RIMS1: variants seen among roughly 807,000 people sequenced by gnomAD.
RIMS1 encodes regulating synaptic membrane exocytosis 1.
A neutral mutation model predicts 214.1 loss-of-function variants in RIMS1; 83 were observed. The observed-to-expected ratio is 0.39, with a 90% CI of 0.32 to 0.47. The LOEUF is 0.47. Ranked by LOEUF, RIMS1 falls within the 20% of genes least tolerant of loss-of-function variation. RIMS1 has a pLI of 0.99. For missense variants in RIMS1, 2,050 were observed against 2,161.8 expected, an observed-to-expected ratio of 0.95 and a Z score of 1.03; for synonymous variants, 793 against 786.8, an observed-to-expected ratio of 1.01 and a Z score of -0.13.
intron 9 of RIMS1, among the ~76,000 whole-genome samples, chr6:72,240,550 G>A (rs1397161565): frequency 6.8e-6 from 1 of 148,094 alleles, no homozygotes; most frequent in Non-Finnish European, 1.5e-5. Flanking sequence ...GGATCATGAT[G>A]TCAACTTTGT....
chr6:72,111,121 A>G (rs949829895), intron 4 of RIMS1, among the ~76,000 whole-genome samples: 4 of 152,232 alleles, frequency 2.6e-5, no homozygotes, highest in Non-Finnish European at 5.9e-5. Flanking sequence ...GTATAAAGAC[A>G]TGGATAATTG....
intron 1 of RIMS1, among the ~76,000 whole-genome samples, chr6:71,967,611 GAAAGAAC>G (rs1359630759): frequency 1.3e-5 from 2 of 152,112 alleles, no homozygotes; most frequent in African/African-American, 2.4e-5. Flanking sequence ...CCACACCGGG[GAAAGAAC>G]ACAAGGCTTT....
intron 4 of RIMS1, among the ~76,000 whole-genome samples, chr6:72,110,198 T>C (rs542855578): frequency 6.6e-6 from 1 of 152,290 alleles, no homozygotes; most frequent in South Asian, 2.1e-4. Flanking sequence ...CTTTTTTGGT[T>C]CCATATGAAC....
rs149172560 is a variant in RIMS1 at position 72,240,459 on chromosome 6, G to GTA, written c.1958-1845_1958-1844dup. 3.1e-3 allele frequency among the ~76,000 whole-genome samples: 462 copies of GTA among 151,048 alleles called. 1 individual carries two copies. The highest frequency in any genetic ancestry group is 5.2e-3 in the Non-Finnish European group (353 of 67,716). Reference sequence around the variant, plus strand: ...TATTGTTTCATAAATGTTTTTTAGTGTATATATATATGTATGTACTCATAT... The same window carrying GTA: ...TATTGTTTCATAAATGTTTTTTAGTGTATATATATATATGTATGTACTCATAT... On this transcript the variant is annotated intron_variant, in intron 9 of 33. Transcript: ENST00000521978.
chr6:72,097,109 C>A lies in RIMS1; in HGVS notation c.406C>A (p.Arg136Ser), dbSNP rs1044390019. Residue 136 changes from arginine (R) to serine (S), a missense_variant, in exon 3 of 34, where the codon CGC becomes AGC. Coordinates refer to ENST00000521978, the MANE Select transcript of RIMS1 (RefSeq NM_014989.7). ...DGCGHLCSYC[R>S]TKFCARCGGR... ...GTGCGGTCATCTCTGCTCCTATTGT[C>A]GCACTAAGTTCTGTGCGCGCTGCGG... The A allele has an allele frequency of 6.2e-6, 10 of 1,613,880 alleles. No individual in the cohort carries two copies. Among genetic ancestry groups the A allele is most frequent in the Non-Finnish European group, 8.5e-6 (10 of 1,179,888 alleles).
At chr6:72,133,006 A>C (rs2040692412) in intron 4 of RIMS1, among the ~76,000 whole-genome samples, 2 of 152,124 alleles carry the variant, frequency 1.3e-5, no homozygotes, top group African/African-American at 2.4e-5. Context: ...GACAAATGAG[A>C]AAATTGAGTC....
intron 32 of RIMS1, 38 bp downstream of exon 32, chr6:72,398,388 T>C (rs2098803090): frequency 8.4e-7 from 1 of 1,189,278 alleles, no homozygotes; most frequent in Admixed American, 2.2e-5. Context: ...GAAGGGACTA[T>C]TTAATAGGCA....
chr6:71,990,985 T>C (rs915456050), intron 2 of RIMS1, among the ~76,000 whole-genome samples: 3 of 152,208 alleles, frequency 2.0e-5, no homozygotes, highest in Non-Finnish European at 2.9e-5. Context: ...TAAGAAGGCA[T>C]ATCTAACAAT....
intron 2 of RIMS1, among the ~76,000 whole-genome samples, chr6:71,972,224 A>G (rs1277649643): frequency 6.6e-6 from 1 of 152,152 alleles, no homozygotes; most frequent in African/African-American, 2.4e-5. Context: ...GAAATAAGGG[A>G]TGAAAAGTGT....
chr6:72,043,763 A>G (rs1253149302), intron 2 of RIMS1, among the ~76,000 whole-genome samples: 4 of 151,682 alleles, frequency 2.6e-5, no homozygotes, highest in Non-Finnish European at 4.4e-5. Context: ...CTCATAGCTT[A>G]AATAAAAAGG....
intron 29 of RIMS1, among the ~76,000 whole-genome samples, chr6:72,343,360 T>G (rs2097156577): frequency 6.9e-6 from 1 of 144,898 alleles, no homozygotes; most frequent in Non-Finnish European, 1.6e-5. Context: ...TTGACTCTTT[T>G]TAGCATGCAT....
chr6:72,394,267 CT>C lies in RIMS1; in HGVS notation c.4618+1459del, dbSNP rs528339601. On this transcript the variant is annotated intron_variant, in intron 31 of 33. Transcript: ENST00000521978. ...AAACTAAGATTTGAACTAGTGAGGT[CT>C]TCATAAAAATGTAAGCAAATGCTTT... Among the ~76,000 whole-genome samples, 41 of 152,068 alleles carry C rather than the reference CT, an allele frequency of 2.7e-4. No individual in the cohort carries two copies. In the South Asian group the frequency reaches 8.3e-3, roughly 31 times the overall value.
At position 72,146,512 on chromosome 6, in the gene RIMS1, A is replaced by G. The variant is rs1266822148; in HGVS notation, c.472-33063A>G. ...ATAAATCTTTTATAAACCTTTACAAATTTTTGTTAAAGAGAAGGTTAGTGC... is the reference window on the plus strand; with the variant it reads ...ATAAATCTTTTATAAACCTTTACAAGTTTTTGTTAAAGAGAAGGTTAGTGC... On this transcript the variant is annotated intron_variant, in intron 4 of 33. Coordinates refer to ENST00000521978, the MANE Select transcript of RIMS1 (RefSeq NM_014989.7). 2.1e-4 allele frequency among the ~76,000 whole-genome samples: 32 copies of G among 152,188 alleles called. 1 individual carries two copies. Among genetic ancestry groups the G allele is most frequent in the Admixed American group, 2.0e-3 (31 of 15,286 alleles).
chr6:72,101,321 A>G (rs1562313196), intron 4 of RIMS1, among the ~76,000 whole-genome samples: 1 of 151,938 alleles, frequency 6.6e-6, no homozygotes, highest in East Asian at 1.9e-4. Context: ...ACTTTCAATT[A>G]TTTTCTTCAC....
intron 28 of RIMS1, among the ~76,000 whole-genome samples, chr6:72,326,563 A>G (rs538994540): frequency 6.6e-6 from 1 of 151,768 alleles, no homozygotes. Flanking sequence ...TATCCACATT[A>G]CTTGTTTGTA....
At chr6:72,392,537 T>TA (rs749564831) in intron 30 of RIMS1, among the ~76,000 whole-genome samples, 161 bp from the exon 31 acceptor site, 14 of 152,160 alleles carry the variant, frequency 9.2e-5, no homozygotes, top group Non-Finnish European at 1.6e-4. Flanking sequence ...TTAAGCCTCA[T>TA]ATGCTTGGCT....
At chr6:72,129,744 G>C (rs56405332) in intron 4 of RIMS1, among the ~76,000 whole-genome samples, 32,335 of 151,776 alleles carry the variant, frequency 0.21, 4,106 homozygotes, top group Non-Finnish European at 0.27. Flanking sequence ...AAAAAAAACG[G>C]ACAGTTCAGC....
At chr6:71,924,277 A>G (rs922958035) in intron 1 of RIMS1, among the ~76,000 whole-genome samples, 1 of 152,164 alleles carries the variant, frequency 6.6e-6, no homozygotes, top group African/African-American at 2.4e-5. Flanking sequence ...TTCACTATTT[A>G]AAAAAGAACA....
At chr6:72,308,323 A>G (rs1023334353) in intron 27 of RIMS1, among the ~76,000 whole-genome samples, 34 of 152,130 alleles carry the variant, frequency 2.2e-4, no homozygotes, top group Non-Finnish European at 4.7e-4. Flanking sequence ...AATTTTAAAT[A>G]TATTATCTGG....
Sources: allele counts gnomAD v4.1 joint callset (sites outside exome capture counted in the v4.1 genomes callset), GRCh38; gene constraint gnomAD v4.1.1; transcripts MANE v1.5; gene names NCBI Gene and HGNC (gene_info 2026-07-23, HGNC 2026-07-21).